MACROD2: variants seen among roughly 807,000 people sequenced by gnomAD.
The protein encoded by MACROD2 is mono-ADP ribosylhydrolase 2.
A neutral mutation model predicts 70.4 loss-of-function variants in MACROD2; 36 were observed. The ratio of observed to expected loss-of-function variants is 0.51; its 90% CI spans 0.39 to 0.68. MACROD2 has a LOEUF of 0.68. MACROD2 is among the 30% of genes least tolerant of loss of function. MACROD2 has a pLI of 0.00. For synonymous variants in MACROD2, 172 were observed against 178.8 expected (o/e 0.96, Z 0.30); for missense variants, 496 against 538.4 (o/e 0.92, Z 0.78).
At chr20:15,873,966 C>T (rs1031427072) in intron 9 of MACROD2, among the ~76,000 whole-genome samples, 6 of 151,882 alleles carry the variant, frequency 4.0e-5, no homozygotes, top group Non-Finnish European at 7.4e-5. Flanking sequence ...GCACAATGTG[C>T]AGGTTTGTTA....
Position 15,230,042 on chromosome 20 carries a change from A to C in MACROD2, c.521A>C (p.Glu174Ala). 1 of 1,613,506 alleles carries C rather than the reference A, an allele frequency of 6.2e-7. No homozygotes were observed. Among genetic ancestry groups the C allele is most frequent in the South Asian group, 1.1e-5 (1 of 91,000 alleles). Reference protein sequence around the residue: ...CYKSSLKLVKENNIRSVAFPC... With the variant: ...CYKSSLKLVKANNIRSVAFPC... ...AAATCATCTCTGAAGCTCGTGAAAG[A>C]AAATAACATCCGATCAGTTGTAAGT... The change falls in exon 6 of 18, where the codon GAA (glutamate) becomes GCA (alanine). Residue 174 changes from glutamate (E) to alanine (A), a missense_variant. Transcript: ENST00000684519.
intron 8 of MACROD2, among the ~76,000 whole-genome samples, chr20:15,505,603 A>G (rs912976057): frequency 1.3e-5 from 2 of 151,942 alleles, no homozygotes; most frequent in Non-Finnish European, 2.9e-5. Context: ...GCACTACTCC[A>G]AGGGAATTCC....
At chr20:14,029,709 A>C (rs2053223602) in intron 2 of MACROD2, among the ~76,000 whole-genome samples, 1 of 152,220 alleles carries the variant, frequency 6.6e-6, no homozygotes, top group Admixed American at 6.5e-5. Flanking sequence ...AGTAAAAGCA[A>C]TTTCTTCACT....
intron 5 of MACROD2, among the ~76,000 whole-genome samples, chr20:14,928,901 AC>A (rs2074265405): frequency 2.0e-5 from 3 of 152,282 alleles, no homozygotes; most frequent in Admixed American, 2.0e-4. Flanking sequence ...GTTTTTAATC[AC>A]TAGCGTTCCT....
chr20:14,473,306 G>A (rs1040066996), intron 3 of MACROD2, among the ~76,000 whole-genome samples: 2 of 152,180 alleles, frequency 1.3e-5, no homozygotes, highest in Middle Eastern at 3.4e-3. Context: ...TCCACCTGTA[G>A]CCTCCTGCCT....
chr20:14,531,855 C>T (rs2085309096), intron 4 of MACROD2, among the ~76,000 whole-genome samples: 1 of 152,146 alleles, frequency 6.6e-6, no homozygotes, highest in African/African-American at 2.4e-5. Context: ...TTCCTCAAGC[C>T]TCTAAGGAGT....
intron 2 of MACROD2, among the ~76,000 whole-genome samples, chr20:14,077,177 A>G (rs1248892269): frequency 2.7e-5 from 4 of 149,416 alleles, no homozygotes; most frequent in African/African-American, 9.9e-5. Context: ...CATTACATTA[A>G]TAGATATTCA....
At chr20:14,969,910 G>A (rs1479336381) in intron 5 of MACROD2, among the ~76,000 whole-genome samples, 4 of 152,070 alleles carry the variant, frequency 2.6e-5, no homozygotes, top group Non-Finnish European at 4.4e-5. Flanking sequence ...CCAAAAGGTA[G>A]CAAGACCCTA....
chr20:14,890,869 C>A (rs1038067243), intron 5 of MACROD2, among the ~76,000 whole-genome samples: 11 of 151,822 alleles, frequency 7.2e-5, no homozygotes, highest in African/African-American at 2.7e-4. Flanking sequence ...ACATGGAGGT[C>A]ATGGGTGGAT....
chr20:15,134,870 G>A (rs993697507), intron 5 of MACROD2, among the ~76,000 whole-genome samples: 18 of 151,950 alleles, frequency 1.2e-4, no homozygotes, highest in Non-Finnish European at 2.2e-4. Flanking sequence ...AATAAAAAAT[G>A]ATAAAGGGGA....
chr20:14,994,464 G>T (rs1177197754), intron 5 of MACROD2, among the ~76,000 whole-genome samples: 1 of 152,056 alleles, frequency 6.6e-6, no homozygotes, highest in African/African-American at 2.4e-5. Context: ...CAGATGGCAC[G>T]GGAGCAGGTT....
At chr20:14,757,597 A>G (rs1309301055) in intron 5 of MACROD2, 3 of 1,125,420 alleles carry the variant, frequency 2.7e-6, no homozygotes, top group Non-Finnish European at 4.0e-6. Flanking sequence ...ATTGCCATTT[A>G]TGACTCCTTT....
At chr20:15,120,895 C>G (rs2123247601) in intron 5 of MACROD2, among the ~76,000 whole-genome samples, 1 of 152,312 alleles carries the variant, frequency 6.6e-6, no homozygotes, top group Middle Eastern at 3.4e-3. Context: ...ACTACCCTCT[C>G]TTAGGTGGTC....
intron 7 of MACROD2, among the ~76,000 whole-genome samples, chr20:15,463,861 C>T (rs1252815216): frequency 1.3e-5 from 2 of 152,162 alleles, no homozygotes; most frequent in Admixed American, 6.5e-5. Flanking sequence ...TCCAAACTTC[C>T]CCTGCTATTA....
intron 4 of MACROD2, among the ~76,000 whole-genome samples, chr20:14,500,035 A>G (rs913186690): frequency 6.6e-6 from 1 of 152,212 alleles, no homozygotes; most frequent in Non-Finnish European, 1.5e-5. Context: ...AAGGCTTCCC[A>G]GAAGAGGTGA....
At chr20:15,292,975 T>C (rs2077554451) in intron 6 of MACROD2, among the ~76,000 whole-genome samples, 2 of 152,200 alleles carry the variant, frequency 1.3e-5, no homozygotes, top group Admixed American at 6.5e-5. Flanking sequence ...CCTGAGGTGC[T>C]ATTTCCTGCT....
intron 5 of MACROD2, among the ~76,000 whole-genome samples, chr20:14,970,388 G>T (rs1330534140): frequency 6.6e-6 from 1 of 151,770 alleles, no homozygotes; most frequent in African/African-American, 2.4e-5. Context: ...AATTAACCTC[G>T]TTTAAGTGTT....
At chr20:14,103,025 T>C (rs1167086076) in intron 3 of MACROD2, among the ~76,000 whole-genome samples, 2 of 152,162 alleles carry the variant, frequency 1.3e-5, no homozygotes, top group African/African-American at 4.8e-5. Context: ...TCATTTTTTG[T>C]TGTTATTTAG....
At chr20:14,365,164 G>A (rs1015348588) in intron 3 of MACROD2, among the ~76,000 whole-genome samples, 3 of 152,004 alleles carry the variant, frequency 2.0e-5, no homozygotes, top group Admixed American at 2.0e-4. Flanking sequence ...GAGACCTGTT[G>A]ATATTTTCCA....
Sources: allele counts gnomAD v4.1 joint callset (sites outside exome capture counted in the v4.1 genomes callset), GRCh38; gene constraint gnomAD v4.1.1; transcripts MANE v1.5; gene names NCBI Gene and HGNC (gene_info 2026-07-23, HGNC 2026-07-21).